TMEM117: variants seen among roughly 807,000 people sequenced by gnomAD.
The protein encoded by TMEM117 is transmembrane protein 117.
Under a neutral mutation model 52.4 loss-of-function variants are expected in TMEM117, and 27 were observed. The observed-to-expected ratio is 0.51, with a 90% confidence interval of 0.38 to 0.71. The LOEUF is 0.71. Among genes scored for constraint, TMEM117 ranks in the 30% least tolerant of loss-of-function variants. The probability of loss-of-function intolerance (pLI) is 0.00; values close to 1 mark genes in which losing one functional copy is unlikely to be tolerated. For missense variants in TMEM117, 556 were observed against 630.5 expected (o/e 0.88, Z 1.26); for synonymous variants, 215 against 206.3 (o/e 1.04, Z -0.36).
intron 4 of TMEM117, among the ~76,000 whole-genome samples, chr12:44,169,422 T>G (rs915647629): frequency 6.6e-6 from 1 of 152,238 alleles, no homozygotes; most frequent in Non-Finnish European, 1.5e-5. Context: ...TTCATGGTTT[T>G]GATTTGCATT....
Position 44,388,666 on chromosome 12 carries a change from G to A in TMEM117, c.1539G>A (p.Thr513=), listed in dbSNP as rs947207689. Residue 513 remains threonine, a synonymous_variant, in exon 8 of 8, where the codon ACG becomes ACA. Transcript: ENST00000266534. ...QDPTTSKSTP[T]N is the part of the protein sequence containing the mutation. ...CAACGACTTCTAAAAGTACACCTACGAACTAGACTCGGAGATAGACTTGGA... is the reference window on the plus strand; with the variant it reads ...CAACGACTTCTAAAAGTACACCTACAAACTAGACTCGGAGATAGACTTGGA... The A allele has an allele frequency of 1.1e-5, 17 of 1,612,344 alleles. No individual in the cohort carries two copies. The highest frequency in any genetic ancestry group is 2.2e-5 in the South Asian group (2 of 90,980).
chr12:43,933,986 A>C (rs1944912681), intron 2 of TMEM117, among the ~76,000 whole-genome samples: 1 of 152,228 alleles, frequency 6.6e-6, no homozygotes, highest in African/African-American at 2.4e-5. Context: ...TAATATAATT[A>C]TTTTAAACCT....
intron 2 of TMEM117, among the ~76,000 whole-genome samples, chr12:43,919,014 C>T (rs899240385): frequency 1.3e-5 from 2 of 152,092 alleles, no homozygotes; most frequent in African/African-American, 2.4e-5. Context: ...ATTAAGTGAG[C>T]CACATAAGAG....
chr12:43,955,593 A>G (rs547738604), intron 3 of TMEM117, among the ~76,000 whole-genome samples: 120 of 152,330 alleles, frequency 7.9e-4, no homozygotes, highest in Middle Eastern at 3.4e-3. Flanking sequence ...AGGGAAGTGA[A>G]GGACCTCTTT....
chr12:44,146,727 C>T (rs73290215), intron 4 of TMEM117, among the ~76,000 whole-genome samples: 2,901 of 152,156 alleles, frequency 0.019, 79 homozygotes, highest in African/African-American at 0.066. Flanking sequence ...AGAAGTCTAA[C>T]GTAGCCTTGA....
At chr12:44,121,196 C>G (rs1948228405) in intron 3 of TMEM117, among the ~76,000 whole-genome samples, 1 of 152,208 alleles carries the variant, frequency 6.6e-6, no homozygotes, top group Non-Finnish European at 1.5e-5. Context: ...GTCCCTCCCA[C>G]AACACATGGG....
chr12:44,271,407 T>C (rs992185442), intron 5 of TMEM117, among the ~76,000 whole-genome samples: 3 of 151,988 alleles, frequency 2.0e-5, no homozygotes, highest in Non-Finnish European at 4.4e-5. Flanking sequence ...AATATACATA[T>C]AGGCCACTGG....
At chr12:44,171,477 C>G (rs997781643) in intron 4 of TMEM117, among the ~76,000 whole-genome samples, 1 of 152,124 alleles carries the variant, frequency 6.6e-6, no homozygotes, top group Admixed American at 6.5e-5. Context: ...TCCCTCTTTC[C>G]TTTGACATTC....
chr12:43,825,508 T>C, the TMEM117 span, among the ~76,000 whole-genome samples: 144 of 152,280 alleles, frequency 9.5e-4, no homozygotes, highest in African/African-American at 3.4e-3. Context: ...TTTATCTTCA[T>C]GTGAATGAAT....
At chr12:44,366,142 A>G (rs958152818) in intron 6 of TMEM117, among the ~76,000 whole-genome samples, 2 of 152,090 alleles carry the variant, frequency 1.3e-5, no homozygotes, top group Non-Finnish European at 2.9e-5. Flanking sequence ...ACTTGAGTGT[A>G]TCATTGGGAA....
the TMEM117 span, among the ~76,000 whole-genome samples, chr12:43,800,773 G>A: frequency 6.6e-6 from 1 of 152,004 alleles, no homozygotes; most frequent in Non-Finnish European, 1.5e-5. Context: ...TTTTTGAGAC[G>A]CAGATTTGCT....
chr12:44,298,322 A>C (rs866475943), intron 5 of TMEM117, among the ~76,000 whole-genome samples: 17 of 150,692 alleles, frequency 1.1e-4, no homozygotes, highest in African/African-American at 3.2e-4. Context: ...TGTGTTCTAC[A>C]ATGTTATTTC....
intron 3 of TMEM117, among the ~76,000 whole-genome samples, chr12:43,979,224 A>G (rs1450417172): frequency 6.6e-6 from 1 of 151,994 alleles, no homozygotes; most frequent in Non-Finnish European, 1.5e-5. Context: ...TGTATCCAAG[A>G]TACTTCCAAG....
At chr12:44,287,507 T>C (rs1950652678) in intron 5 of TMEM117, among the ~76,000 whole-genome samples, 1 of 152,206 alleles carries the variant, frequency 6.6e-6, no homozygotes, top group South Asian at 2.1e-4. Flanking sequence ...TCCATGAGGT[T>C]CCATTTTCAC....
chr12:44,355,581 G>C (rs1411581440), intron 6 of TMEM117, among the ~76,000 whole-genome samples: 1 of 152,024 alleles, frequency 6.6e-6, no homozygotes, highest in Non-Finnish European at 1.5e-5. Context: ...AGAGAAGCTT[G>C]ATATAAATTC....
chr12:44,040,587 G>T (rs1946781218), intron 3 of TMEM117, among the ~76,000 whole-genome samples: 1 of 152,082 alleles, frequency 6.6e-6, no homozygotes, highest in Admixed American at 6.6e-5. Flanking sequence ...TCTGAAAAAT[G>T]ACAGTTTTGT....
At chr12:44,117,048 C>CTCCCT (rs1948156647) in intron 3 of TMEM117, among the ~76,000 whole-genome samples, 2 of 152,178 alleles carry the variant, frequency 1.3e-5, no homozygotes, top group African/African-American at 4.8e-5. Flanking sequence ...AGTAAACTCT[C>CTCCCT]TCCCTTGTAC....
At chr12:43,835,518 G>A (rs2048639213), upstream of TMEM117, among the ~76,000 whole-genome samples, 1 of 152,090 alleles carries the variant, frequency 6.6e-6, no homozygotes, top group Non-Finnish European at 1.5e-5. Flanking sequence ...AGGTTGGAAA[G>A]TAAGTGGAAG....
intron 5 of TMEM117, among the ~76,000 whole-genome samples, chr12:44,243,046 A>G (rs1462823132): frequency 1.3e-5 from 2 of 151,932 alleles, no homozygotes; most frequent in Admixed American, 6.6e-5. Context: ...GGCCACATGT[A>G]TGTCTTCTTT....
Sources: allele counts gnomAD v4.1 joint callset (sites outside exome capture counted in the v4.1 genomes callset), GRCh38; gene constraint gnomAD v4.1.1; transcripts MANE v1.5; gene names NCBI Gene and HGNC (gene_info 2026-07-23, HGNC 2026-07-21).